GRIA4: variants seen among roughly 807,000 people sequenced by gnomAD.
GRIA4 encodes the protein glutamate ionotropic receptor AMPA type subunit 4.
In GRIA4, 34 loss-of-function variants were observed where a neutral mutation model predicts 104.0. That is an observed-to-expected ratio of 0.33 (90% CI 0.25 to 0.44). The LOEUF (loss-of-function observed/expected upper bound fraction) is 0.44, where lower values mean the gene tolerates loss of function less well. Among genes scored for constraint, GRIA4 ranks in the 20% least tolerant of loss-of-function variants. GRIA4 has a pLI of 1.00. For missense variants in GRIA4, 750 were observed against 1,096.5 expected (o/e 0.68, Z 4.46); for synonymous variants, 386 against 381.9 (o/e 1.01, Z -0.13).
chr11:105,619,772 G>A (rs977961809), intron 3 of GRIA4, among the ~76,000 whole-genome samples: 1 of 151,814 alleles, frequency 6.6e-6, no homozygotes, highest in Non-Finnish European at 1.5e-5. Flanking sequence ...TCACAAAAAA[G>A]GCCCAGTACT....
intron 4 of GRIA4, among the ~76,000 whole-genome samples, chr11:105,861,422 C>T (rs1159677768): frequency 6.6e-6 from 1 of 152,034 alleles, no homozygotes; most frequent in Non-Finnish European, 1.5e-5. Flanking sequence ...AGTGCCTCAC[C>T]TAGTGGTTAT....
intron 4 of GRIA4, among the ~76,000 whole-genome samples, chr11:105,835,059 T>C (rs901471355): frequency 6.6e-6 from 1 of 152,068 alleles, no homozygotes; most frequent in Admixed American, 6.6e-5. Context: ...GAATATTAAG[T>C]TGAAATTCCC....
chr11:105,922,010 A>G (rs1947578617), intron 11 of GRIA4, among the ~76,000 whole-genome samples: 1 of 152,132 alleles, frequency 6.6e-6, no homozygotes, highest in Non-Finnish European at 1.5e-5. Flanking sequence ...AAACCTATGT[A>G]TTGCAAGAAA....
chr11:105,919,969 T>C (rs563209023), intron 11 of GRIA4, among the ~76,000 whole-genome samples: 2 of 152,224 alleles, frequency 1.3e-5, no homozygotes, highest in Non-Finnish European at 2.9e-5. Context: ...ACTGAAGTCC[T>C]AGGAGGGACT....
intron 3 of GRIA4, among the ~76,000 whole-genome samples, chr11:105,661,586 C>A (rs938554408): frequency 4.6e-5 from 7 of 151,502 alleles, no homozygotes; most frequent in Non-Finnish European, 4.4e-5. Flanking sequence ...AATGTTCATA[C>A]CTTTAAAGAA....
At chr11:105,737,489 A>G (rs1939025690) in intron 3 of GRIA4, among the ~76,000 whole-genome samples, 1 of 149,948 alleles carries the variant, frequency 6.7e-6, no homozygotes, top group Non-Finnish European at 1.5e-5. Context: ...AAAATAAAAG[A>G]AAAAAAAAAG....
chr11:105,960,626 C>A (rs1023080262), intron 14 of GRIA4, among the ~76,000 whole-genome samples: 3 of 152,158 alleles, frequency 2.0e-5, no homozygotes, highest in African/African-American at 4.8e-5. Flanking sequence ...GAAACAGCTT[C>A]GACAGCAGGC....
intron 14 of GRIA4, among the ~76,000 whole-genome samples, chr11:105,962,571 T>G (rs1279405484): frequency 1.3e-5 from 2 of 152,162 alleles, no homozygotes; most frequent in Non-Finnish European, 2.9e-5. Context: ...GTTGATCAAG[T>G]GAGCATTTTC....
At chr11:105,966,083 A>C (rs1443004494) in intron 14 of GRIA4, 33 of 1,520,582 alleles carry the variant, frequency 2.2e-5, no homozygotes, top group Non-Finnish European at 2.8e-5. Context: ...TGTCACCAAA[A>C]GCGGGTAAAC....
chr11:105,923,230 A>G (rs1205527279), intron 11 of GRIA4, among the ~76,000 whole-genome samples: 3 of 152,164 alleles, frequency 2.0e-5, no homozygotes, highest in African/African-American at 4.8e-5. Context: ...AAAATAAACA[A>G]TCAAAACTCC....
Position 105,629,603 on chromosome 11 carries a change from C to T in GRIA4, c.247+17169C>T, listed in dbSNP as rs560985577. On this transcript the variant is annotated intron_variant, in intron 3 of 16. Coordinates refer to ENST00000282499, the MANE Select transcript of GRIA4 (RefSeq NM_000829.4). ...TATAATGCAGAATTTCCATTTTTAA[C>T]GTACACTGTTCTAAATTTTTACATG... 1.3e-4 allele frequency among the ~76,000 whole-genome samples: 20 copies of T among 152,172 alleles called. 1 individual carries two copies. Among genetic ancestry groups the T allele is most frequent in the South Asian group, 4.1e-4 (2 of 4,826 alleles).
intron 14 of GRIA4, among the ~76,000 whole-genome samples, chr11:105,951,691 G>A (rs1948460958): frequency 2.0e-5 from 3 of 152,142 alleles, no homozygotes; most frequent in East Asian, 3.9e-4. Context: ...ATTTAAAAAT[G>A]GGAGTGGGTA....
chr11:105,891,788 T>C (rs2136110294), intron 6 of GRIA4, among the ~76,000 whole-genome samples: 1 of 152,234 alleles, frequency 6.6e-6, no homozygotes, highest in Admixed American at 6.5e-5. Context: ...CTGTAACAGG[T>C]ACTGTCCAAC....
At chr11:105,771,810 T>C (rs1289151023) in intron 4 of GRIA4, among the ~76,000 whole-genome samples, 2 of 152,058 alleles carry the variant, frequency 1.3e-5, no homozygotes, top group African/African-American at 2.4e-5. Context: ...ATGAACCATG[T>C]AGCCTTATAT....
chr11:105,766,427 T>C (rs1214106111), intron 4 of GRIA4, among the ~76,000 whole-genome samples: 1 of 152,216 alleles, frequency 6.6e-6, no homozygotes, highest in African/African-American at 2.4e-5. Flanking sequence ...TCTCAAGTCA[T>C]AATTTTTGTT....
At position 105,979,752 on chromosome 11, in the gene GRIA4, T is replaced by C. The variant is rs190080262; in HGVS notation, c.*13T>C. 1 of 1,601,926 alleles carries C rather than the reference T, an allele frequency of 6.2e-7. No homozygotes were observed. The highest frequency in any genetic ancestry group is 8.5e-7 in the Non-Finnish European group (1 of 1,169,666). Reference sequence around the variant, plus strand: ...GGACCTACCATAAAAACCAAAAAAATAATTGAGTGCCTTAATTAAACTGTT... The same window carrying C: ...GGACCTACCATAAAAACCAAAAAAACAATTGAGTGCCTTAATTAAACTGTT... On this transcript the variant is annotated 3_prime_UTR_variant, in exon 17 of 17. Transcript: ENST00000282499.
intron 15 of GRIA4, among the ~76,000 whole-genome samples, chr11:105,973,515 AT>A (rs1469461036): frequency 6.6e-6 from 1 of 152,058 alleles, no homozygotes; most frequent in South Asian, 2.1e-4. Flanking sequence ...TGGACTAAGC[AT>A]TTTTAAGTGG....
At position 105,926,909 on chromosome 11, in the gene GRIA4, G is replaced by A. The variant is rs1316158500; in HGVS notation, c.2016G>A (p.Leu672=). 6.2e-7 allele frequency: 1 copy of A among 1,610,638 alleles called. No homozygotes were observed. The highest frequency in any genetic ancestry group is 8.5e-7 in the Non-Finnish European group (1 of 1,177,338). Residue 672 remains leucine (L), a synonymous_variant, in exon 13 of 17, where the codon CTG becomes CTA. Coordinates refer to ENST00000282499, the MANE Select transcript of GRIA4 (RefSeq NM_000829.4). ...AAACAGAAATTGCCTATGGAACACTGGATTCAGGATCAACAAAAGAATTCT... is the reference window on the plus strand; with the variant it reads ...AAACAGAAATTGCCTATGGAACACTAGATTCAGGATCAACAAAAGAATTCT... ...AKQTEIAYGT[L]DSGSTKEFFR... is the part of the protein sequence containing the mutation.
chr11:105,939,376 C>T lies in GRIA4; in HGVS notation c.2294+5407C>T, dbSNP rs192434806. Among the ~76,000 whole-genome samples the T allele has an allele frequency of 2.1e-3, 317 of 152,244 alleles. 2 individuals are homozygous for T. Among genetic ancestry groups the T allele is most frequent in the African/African-American group, 7.2e-3 (301 of 41,544 alleles). On this transcript the variant is annotated intron_variant, in intron 14 of 16. Coordinates refer to ENST00000282499, the MANE Select transcript of GRIA4 (RefSeq NM_000829.4). ...TTTTTGGCCATTTTAGTTTCTCCCA[C>T]TTCAAAGGGGATCAAATTTGACAAG...
Sources: allele counts gnomAD v4.1 joint callset (sites outside exome capture counted in the v4.1 genomes callset), GRCh38; gene constraint gnomAD v4.1.1; transcripts MANE v1.5; gene names NCBI Gene and HGNC (gene_info 2026-07-23, HGNC 2026-07-21).